Variants in BLK observed in about 807,000 individuals in gnomAD.
The protein encoded by BLK is tyrosine-protein kinase Blk.
Under a neutral mutation model 61.8 loss-of-function variants are expected in BLK, and 64 were observed. That is an observed-to-expected ratio of 1.03 (90% CI 0.85 to 1.27). The LOEUF (loss-of-function observed/expected upper bound fraction) is 1.27. Ranked by LOEUF, BLK falls within the 50% of genes most tolerant of loss-of-function variation. The pLI is 0.00. For missense variants in BLK, 853 were observed against 660.5 expected (o/e 1.29, Z -3.19); for synonymous variants, 351 against 272.0 (o/e 1.29, Z -2.86).
At chr8:11,560,317 AGATGGATGGATG>A (rs894668523) in intron 10 of BLK, 1 of 208,066 alleles carries the variant, frequency 4.8e-6, no homozygotes, top group Non-Finnish European at 9.3e-6. Flanking sequence ...AAGGATGCAT[AGATGGATGGATG>A]GATGGATACA....
At chr8:11,562,875 G>A in intron 11 of BLK, 104 bp from the exon 12 acceptor site, 3 of 1,546,830 alleles carry the variant, frequency 1.9e-6, no homozygotes, top group East Asian at 2.3e-5. Flanking sequence ...AGGCCCCGCA[G>A]TGGGGGCTTG....
Position 11,563,976 on chromosome 8 carries a change from C to CGAGCT in BLK, c.1388_1392dup (p.Tyr465SerfsTer121), listed in dbSNP as rs761597531. 13 of 1,606,138 alleles carry CGAGCT rather than the reference C, an allele frequency of 8.1e-6. No homozygotes were observed. The East Asian group carries it at 2.9e-4, about 36-fold the overall frequency. On this transcript the variant is annotated frameshift_variant, in exon 13 of 13. Coordinates refer to ENST00000259089, the MANE Select transcript of BLK (RefSeq NM_001715.3). LOFTEE classifies it high-confidence loss of function. The stretch of plus-strand genomic sequence containing the variant: ...TGCCGCGCCCCGACACCTGCCCGCC[C>CGAGCT]GAGCTGTACCGCGGCGTCATCGCCG...
intron 6 of BLK, 99 bp from the exon 7 acceptor site, chr8:11,554,644 G>C: frequency 3.5e-6 from 5 of 1,429,688 alleles, no homozygotes; most frequent in Non-Finnish European, 4.9e-6. Flanking sequence ...GAACAGAATT[G>C]GGGAACTTTT....
chr8:11,514,110 C>A (rs781555631), intron 1 of BLK, among the ~76,000 whole-genome samples: 1 of 152,140 alleles, frequency 6.6e-6, no homozygotes, highest in African/African-American at 2.4e-5. Flanking sequence ...GTTTTGGTAT[C>A]CCAGGAAATG....
At position 11,563,982 on chromosome 8, in the gene BLK, G is replaced by GT; in HGVS notation, c.1393dup (p.Tyr465LeufsTer?). On this transcript the variant is annotated frameshift_variant, in exon 13 of 13. Transcript: ENST00000259089. LOFTEE classifies it high-confidence loss of function. Reference sequence around the variant, plus strand: ...GCCCCGACACCTGCCCGCCCGAGCTGTACCGCGGCGTCATCGCCGAGTGCT... The same window carrying GT: ...GCCCCGACACCTGCCCGCCCGAGCTGTTACCGCGGCGTCATCGCCGAGTGCT... 1 of 1,606,196 alleles carries GT rather than the reference G, an allele frequency of 6.2e-7. No homozygotes were observed. The highest frequency in any genetic ancestry group is 8.5e-7 in the Non-Finnish European group (1 of 1,179,348).
At chr8:11,557,501 T>A (rs965062487) in intron 9 of BLK, among the ~76,000 whole-genome samples, 24 of 152,200 alleles carry the variant, frequency 1.6e-4, no homozygotes, top group Admixed American at 1.4e-3. Flanking sequence ...GGAGCTGCAT[T>A]TGTCCCCTGC....
At chr8:11,515,537 C>G (rs1311739838) in intron 1 of BLK, among the ~76,000 whole-genome samples, 1 of 152,196 alleles carries the variant, frequency 6.6e-6, no homozygotes, top group Non-Finnish European at 1.5e-5. Flanking sequence ...CTTTTACTGT[C>G]TTTGGCTTCT....
At chr8:11,515,294 G>C (rs755813160) in intron 1 of BLK, among the ~76,000 whole-genome samples, 5 of 152,184 alleles carry the variant, frequency 3.3e-5, no homozygotes, top group Non-Finnish European at 7.4e-5. Context: ...CCTCGAGCAA[G>C]CTTGACCTCC....
chr8:11,543,369 C>T, intron 2 of BLK, 22 bp downstream of exon 2: 5 of 1,611,730 alleles, frequency 3.1e-6, no homozygotes, highest in Non-Finnish European at 4.2e-6. Context: ...CCCACCCCCA[C>T]CAAGAGCAGA....
At chr8:11,554,720 G>T (rs752566082) in intron 6 of BLK, 23 bp from the exon 7 acceptor site, 1 of 1,611,680 alleles carries the variant, frequency 6.2e-7, no homozygotes, top group East Asian at 2.2e-5. Flanking sequence ...TACTTCTCGT[G>T]TGTGTCTTCA....
rs766572941 is a variant in BLK at position 11,558,033 on chromosome 8, G to T, written c.1024G>T (p.Ala342Ser). Residue 342 changes from alanine (A) to serine (S), a missense_variant, in exon 10 of 13, where the codon GCG (alanine) becomes TCG (serine). Coordinates refer to ENST00000259089, the MANE Select transcript of BLK (RefSeq NM_001715.3). ...LSLPRLIDMS[A>S]QIAEGMAYIE... is the part of the protein sequence containing the mutation. ...ACTCCCAAGGCTGATTGACATGTCGGCGCAGGTTGGTGAAGTACCAGGTGC... is the reference window on the plus strand; with the variant it reads ...ACTCCCAAGGCTGATTGACATGTCGTCGCAGGTTGGTGAAGTACCAGGTGC... 1.9e-6 allele frequency: 3 copies of T among 1,614,016 alleles called. No homozygotes were observed. Among genetic ancestry groups the T allele is most frequent in the Non-Finnish European group, 2.5e-6 (3 of 1,179,908 alleles).
chr8:11,545,925 C>A, intron 2 of BLK, 127 bp from the exon 3 acceptor site: 1 of 966,944 alleles, frequency 1.0e-6, no homozygotes, highest in Non-Finnish European at 1.7e-6. Flanking sequence ...CCCCCACAGG[C>A]AGCTGCCTCT....
intron 2 of BLK, 56 bp from the exon 3 acceptor site, chr8:11,545,996 G>A (rs371523216): frequency 6.3e-7 from 1 of 1,587,832 alleles, no homozygotes; most frequent in Admixed American, 1.7e-5. Context: ...TCAACCCCCA[G>A]GCCCCACCCA....
chr8:11,550,396 C>T, intron 6 of BLK, 134 bp downstream of exon 6: 1 of 828,354 alleles, frequency 1.2e-6, no homozygotes, highest in Non-Finnish European at 2.0e-6. Context: ...TGTGTCCCTC[C>T]CAATTCAGGC....
chr8:11,500,325 C>G (rs535877485), intron 1 of BLK, among the ~76,000 whole-genome samples: 1 of 150,618 alleles, frequency 6.6e-6, no homozygotes, highest in Admixed American at 6.6e-5. Flanking sequence ...TCCCGAGTAG[C>G]TAGGACTACA....
chr8:11,547,515 T>A (rs1208903443), intron 3 of BLK, among the ~76,000 whole-genome samples: 3 of 152,184 alleles, frequency 2.0e-5, no homozygotes, highest in African/African-American at 7.2e-5. Flanking sequence ...GCAGGGTCAC[T>A]GGCAGCCATA....
chr8:11,548,147 C>T, intron 4 of BLK, 22 bp downstream of exon 4: 1 of 1,591,056 alleles, frequency 6.3e-7, no homozygotes, highest in Non-Finnish European at 8.6e-7. Flanking sequence ...GGACACCATC[C>T]CCTGTCCCTG....
chr8:11,513,129 T>C (rs1452335090), intron 1 of BLK, among the ~76,000 whole-genome samples: 1 of 152,140 alleles, frequency 6.6e-6, no homozygotes, highest in African/African-American at 2.4e-5. Context: ...ATCCCTACTG[T>C]CCATGCCCAC....
chr8:11,559,900 C>A, intron 10 of BLK: 1 of 454,514 alleles, frequency 2.2e-6, no homozygotes, highest in East Asian at 7.0e-5. Flanking sequence ...AAGCACTGTT[C>A]TTGCTCAGCA....
Sources: gnomAD v4.1 joint callset for allele counts (sites outside exome capture counted in the v4.1 genomes callset) on GRCh38, gnomAD v4.1.1 for gene constraint, MANE v1.5 for transcripts, NCBI Gene and HGNC (gene_info 2026-07-23, HGNC 2026-07-21) for gene names.